RIMBP2: variants seen among roughly 807,000 people sequenced by gnomAD.
RIMBP2 encodes the protein RIMS-binding protein 2.
RIMBP2 carries 48 observed loss-of-function variants against 118.6 expected under a neutral mutation model. The observed-to-expected ratio is 0.40, with a 90% CI of 0.32 to 0.51. RIMBP2 has a LOEUF of 0.51. Among genes scored for constraint, RIMBP2 ranks in the 20% least tolerant of loss-of-function variants. RIMBP2 has a pLI of 0.41. For missense variants in RIMBP2, 1,551 were observed against 1,768.3 expected, an observed-to-expected ratio of 0.88 and a Z score of 2.20; for synonymous variants, 762 against 742.9, an observed-to-expected ratio of 1.03 and a Z score of -0.42.
chr12:130,470,978 C>A (rs912717422), intron 5 of RIMBP2, among the ~76,000 whole-genome samples: 33 of 152,228 alleles, frequency 2.2e-4, no homozygotes, highest in African/African-American at 7.7e-4. Flanking sequence ...CAGATTATTT[C>A]TTCACCCAGG....
At chr12:130,613,617 C>A (rs1042294947) in intron 2 of RIMBP2, among the ~76,000 whole-genome samples, 1 of 152,102 alleles carries the variant, frequency 6.6e-6, no homozygotes, top group African/African-American at 2.4e-5. Context: ...AGATGAAGAT[C>A]ATCCTGGCCA....
chr12:130,630,741 C>A (rs2140949322), intron 1 of RIMBP2, among the ~76,000 whole-genome samples: 1 of 152,296 alleles, frequency 6.6e-6, no homozygotes, highest in African/African-American at 2.4e-5. Flanking sequence ...CATTAGACTT[C>A]TCAGCAGCAA....
At chr12:130,598,631 GGCA>G (rs1447429308) in intron 2 of RIMBP2, among the ~76,000 whole-genome samples, 1 of 152,022 alleles carries the variant, frequency 6.6e-6, no homozygotes, top group East Asian at 1.9e-4. Flanking sequence ...GGGAGGCTGA[GGCA>G]GGAGAATGGC....
chr12:130,438,335 A>ACCGGGGGGGGGCCCCCCCCCC, intron 12 of RIMBP2, 30 bp downstream of exon 12: 1 of 865,014 alleles, frequency 1.2e-6, no homozygotes, highest in Non-Finnish European at 1.9e-6. Context: ...GGCCTAACAA[A>ACCGGGGGGGGGCCCCCCCCCC]CCCTCCCCAC....
At chr12:130,465,333 G>A (rs976610749) in intron 6 of RIMBP2, 1 of 152,376 alleles carries the variant, frequency 6.6e-6, no homozygotes, top group African/African-American at 2.4e-5. Flanking sequence ...GCTGTGGAGA[G>A]AAGGCGAGGG....
chr12:130,438,335 A>ACCGGGGGGGGCC, intron 12 of RIMBP2, 30 bp downstream of exon 12: 2 of 865,014 alleles, frequency 2.3e-6, no homozygotes, highest in Non-Finnish European at 3.8e-6. Flanking sequence ...GGCCTAACAA[A>ACCGGGGGGGGCC]CCCTCCCCAC....
At chr12:130,414,099 GC>G in intron 18 of RIMBP2, 25 bp downstream of exon 18, 1 of 1,612,998 alleles carries the variant, frequency 6.2e-7, no homozygotes, top group Non-Finnish European at 8.5e-7. Flanking sequence ...GGCTGATGAA[GC>G]CGCCCGCAGG....
chr12:130,575,838 G>C (rs1346714934), intron 2 of RIMBP2, among the ~76,000 whole-genome samples: 1 of 152,178 alleles, frequency 6.6e-6, no homozygotes, highest in Non-Finnish European at 1.5e-5. Context: ...AAGTCATCTG[G>C]TAACTTGAAA....
chr12:130,682,162 C>A (rs2064818488), intron 1 of RIMBP2, among the ~76,000 whole-genome samples: 1 of 152,196 alleles, frequency 6.6e-6, no homozygotes, highest in Non-Finnish European at 1.5e-5. Context: ...TGACCCAAGC[C>A]AAGGGATGCA....
chr12:130,632,025 G>A (rs1336813171), intron 1 of RIMBP2, among the ~76,000 whole-genome samples: 1 of 152,174 alleles, frequency 6.6e-6, no homozygotes, highest in Non-Finnish European at 1.5e-5. Context: ...GAAACAAATA[G>A]TTATCACATA....
chr12:130,522,936 C>T lies in RIMBP2; in HGVS notation c.-216-5019G>A, dbSNP rs575295562. Among the ~76,000 whole-genome samples the T allele has an allele frequency of 1.1e-4, 17 of 152,264 alleles. No individual in the cohort carries two copies. The South Asian group carries it at 1.2e-3, about 11-fold the overall frequency. On this transcript the variant is annotated intron_variant, in intron 2 of 22. Coordinates refer to ENST00000690449, the MANE Select transcript of RIMBP2 (RefSeq NM_001393629.1). Reference sequence around the variant, plus strand: ...GGGCTTTCTAAGAGGAGGACGATCTCGGTCTCGCTGCCTGCCTCTCTTTCC... The same window carrying T: ...GGGCTTTCTAAGAGGAGGACGATCTTGGTCTCGCTGCCTGCCTCTCTTTCC...
At chr12:130,626,555 C>T (rs34477189) in intron 2 of RIMBP2, among the ~76,000 whole-genome samples, 7,951 of 146,230 alleles carry the variant, frequency 0.054, 287 homozygotes, top group Non-Finnish European at 0.079. Flanking sequence ...TGACTACCGC[C>T]GGCATCACCA....
At position 130,496,433 on chromosome 12, in the gene RIMBP2, G is replaced by A. The variant is rs1296065304; in HGVS notation, c.-4+10215C>T. ...AGTCTCGAGTATGTCTTTATTAGCA[G>A]CATGAAAAAGGACTAAACCACCATC... On this transcript the variant is annotated intron_variant, in intron 4 of 22. Transcript: ENST00000690449. 4.6e-5 allele frequency among the ~76,000 whole-genome samples: 7 copies of A among 152,046 alleles called. No individual in the cohort carries two copies. The East Asian group carries it at 1.2e-3, about 25-fold the overall frequency.
intron 13 of RIMBP2, among the ~76,000 whole-genome samples, chr12:130,435,571 C>G (rs541442293): frequency 6.6e-6 from 1 of 152,286 alleles, no homozygotes; most frequent in African/African-American, 2.4e-5. Flanking sequence ...GCTGCTACCC[C>G]GTCCTGCCCA....
At chr12:130,489,913 C>T (rs1404057129) in intron 4 of RIMBP2, among the ~76,000 whole-genome samples, 2 of 152,058 alleles carry the variant, frequency 1.3e-5, no homozygotes, top group African/African-American at 4.8e-5. Flanking sequence ...ATCACAAGGT[C>T]AGGAGATCGA....
chr12:130,494,949 C>T (rs530843460), intron 4 of RIMBP2, among the ~76,000 whole-genome samples: 7 of 152,330 alleles, frequency 4.6e-5, no homozygotes, highest in African/African-American at 1.2e-4. Flanking sequence ...AGGGAGAAGC[C>T]GCCCCATGCC....
chr12:130,618,439 C>T lies in RIMBP2; in HGVS notation c.-217+9883G>A, dbSNP rs545748880. Reference sequence around the variant, plus strand: ...GCCCCACAGCGGATCCTACTGGCCCCCTCCTCCTGGTAAAGACAAAAAGAT... The same window carrying T: ...GCCCCACAGCGGATCCTACTGGCCCTCTCCTCCTGGTAAAGACAAAAAGAT... On this transcript the variant is annotated intron_variant, in intron 2 of 22. Coordinates refer to ENST00000690449, the MANE Select transcript of RIMBP2 (RefSeq NM_001393629.1). 5.3e-5 allele frequency among the ~76,000 whole-genome samples: 8 copies of T among 152,304 alleles called. No individual in the cohort carries two copies. The South Asian group carries it at 1.7e-3, about 32-fold the overall frequency.
At chr12:130,438,119 G>A (rs1423025640) in intron 12 of RIMBP2, among the ~76,000 whole-genome samples, 1 of 152,172 alleles carries the variant, frequency 6.6e-6, no homozygotes, top group Non-Finnish European at 1.5e-5. Context: ...CCCCTCTCTG[G>A]CCCCTGCATT....
At chr12:130,579,476 G>C (rs534154695) in intron 2 of RIMBP2, among the ~76,000 whole-genome samples, 2 of 152,168 alleles carry the variant, frequency 1.3e-5, no homozygotes, top group Admixed American at 1.3e-4. Context: ...TCTTGGGAGC[G>C]TGTGTCTGGT....
Sources: gnomAD v4.1 joint callset for allele counts (sites outside exome capture counted in the v4.1 genomes callset) on GRCh38, gnomAD v4.1.1 for gene constraint, MANE v1.5 for transcripts, NCBI Gene and HGNC (gene_info 2026-07-23, HGNC 2026-07-21) for gene names.